The following DNAH11 variants were observed in gnomAD, a reference collection of about 807,000 sequenced individuals.
The protein encoded by DNAH11 is dynein axonemal heavy chain 11, also known as axonemal beta dynein heavy chain 11.
A neutral mutation model predicts 526.0 loss-of-function variants in DNAH11; 442 were observed. The ratio of observed to expected loss-of-function variants is 0.84; its 90% CI spans 0.78 to 0.91. The LOEUF is 0.91. Ranked by LOEUF, DNAH11 falls within the 40% of genes least tolerant of loss-of-function variation. The pLI is 0.00. For synonymous variants in DNAH11, 2,461 were observed against 1,935.9 expected (o/e 1.27, Z -7.12); for missense variants, 6,989 against 5,448.7 (o/e 1.28, Z -8.90).
intron 30 of DNAH11, among the ~76,000 whole-genome samples, chr7:21,673,680 T>C (rs1425852929): frequency 6.6e-6 from 1 of 152,116 alleles, no homozygotes; most frequent in East Asian, 1.9e-4. Flanking sequence ...CCCAACTCCC[T>C]CATTACTCAA....
chr7:21,852,639 G>C lies in DNAH11; in HGVS notation c.11061+8G>C. 6.4e-7 allele frequency: 1 copy of C among 1,570,050 alleles called. No homozygotes were observed. The highest frequency in any genetic ancestry group is 8.6e-7 in the Non-Finnish European group (1 of 1,161,434). On this transcript the variant is annotated splice_region_variant and intron_variant, in intron 67 of 81. Coordinates refer to ENST00000409508, the MANE Select transcript of DNAH11 (RefSeq NM_001277115.2). ...GCAGAGATAGAGCACAAGGTAGGAAGGGCAGAGGGTGCCTGGCAGATTCTA... is the reference window on the plus strand; with the variant it reads ...GCAGAGATAGAGCACAAGGTAGGAACGGCAGAGGGTGCCTGGCAGATTCTA...
chr7:21,848,708 TC>T (rs1325617057), intron 66 of DNAH11, among the ~76,000 whole-genome samples: 6 of 152,068 alleles, frequency 3.9e-5, no homozygotes, highest in Non-Finnish European at 5.9e-5. Flanking sequence ...ATTTTTCTTT[TC>T]CTTCTCTTCT....
intron 28 of DNAH11, among the ~76,000 whole-genome samples, chr7:21,652,768 A>T (rs1781836773): frequency 6.6e-6 from 1 of 152,210 alleles, no homozygotes; most frequent in Admixed American, 6.5e-5. Context: ...AACCTACTCA[A>T]AATACATGGT....
At chr7:21,757,940 A>G (rs182818827) in intron 54 of DNAH11, among the ~76,000 whole-genome samples, 127 of 152,318 alleles carry the variant, frequency 8.3e-4, no homozygotes, top group Admixed American at 1.6e-3. Context: ...TCCTTGCAAG[A>G]TTGTAAAGTC....
intron 2 of DNAH11, among the ~76,000 whole-genome samples, chr7:21,551,715 T>C (rs956975587): frequency 6.6e-6 from 1 of 152,204 alleles, no homozygotes; most frequent in Non-Finnish European, 1.5e-5. Context: ...CCTTATCCCA[T>C]CATGTAGTGG....
intron 15 of DNAH11, 127 bp downstream of exon 15, chr7:21,600,246 G>A (rs1785024910): frequency 2.4e-6 from 2 of 817,082 alleles, no homozygotes; most frequent in African/African-American, 1.7e-5. Flanking sequence ...GATTGCTTGG[G>A]CCCAAGAGTT....
intron 51 of DNAH11, among the ~76,000 whole-genome samples, chr7:21,746,552 A>G (rs977881616): frequency 6.6e-6 from 1 of 152,140 alleles, no homozygotes; most frequent in African/African-American, 2.4e-5. Context: ...GCAGTGGGCT[A>G]GGATTATGCC....
At chr7:21,837,083 C>T (rs577335297) in intron 65 of DNAH11, among the ~76,000 whole-genome samples, 1 of 151,880 alleles carries the variant, frequency 6.6e-6, no homozygotes, top group Non-Finnish European at 1.5e-5. Flanking sequence ...ATCAAAAAGA[C>T]AAAAAATAAC....
At position 21,738,700 on chromosome 7, in the gene DNAH11, G is replaced by C. The variant is rs1327282449; in HGVS notation, c.7646-1G>C. 1 of 1,563,768 alleles carries C rather than the reference G, an allele frequency of 6.4e-7. No individual in the cohort carries two copies. The highest frequency in any genetic ancestry group is 8.7e-7 in the Non-Finnish European group (1 of 1,155,434). On this transcript the variant is annotated splice_acceptor_variant, in intron 46 of 81. Coordinates refer to ENST00000409508, the MANE Select transcript of DNAH11 (RefSeq NM_001277115.2). LOFTEE classifies it high-confidence loss of function. The stretch of plus-strand genomic sequence containing the variant: ...TGGACAGAAATATATGTTTATTTCA[G>C]AAATTCTTGAGAAACCCCTAGAGAA...
intron 28 of DNAH11, among the ~76,000 whole-genome samples, chr7:21,645,864 A>G (rs1204605307): frequency 6.6e-6 from 1 of 152,188 alleles, no homozygotes; most frequent in Non-Finnish European, 1.5e-5. Flanking sequence ...GTGAGGAAGG[A>G]TATCTTCATA....
In DNAH11 at chr7:21,655,956, A is replaced by C. The variant is rs1328910762; in HGVS notation, c.5069A>C (p.Gln1690Pro). 3 of 1,607,216 alleles carry C rather than the reference A, an allele frequency of 1.9e-6. No homozygotes were observed. The highest frequency in any genetic ancestry group is 2.6e-6 in the Non-Finnish European group (3 of 1,176,190). The part of the protein sequence containing the change: ...YSKEKEYVPF[Q>P]AECECVGHVE... ...AAAGAAAAGGAGTATGTCCCATTCC[A>C]AGCCGAGTGTGAATGTGTGGGCCAT... is the stretch of plus-strand genomic sequence containing the variant. Residue 1690 changes from glutamine (Q) to proline (P), a missense_variant, in exon 29 of 82, where the codon CAA becomes CCA. Physicochemically the swap from Gln to Pro is moderately conservative, Grantham distance 76. Transcript: ENST00000409508.
At chr7:21,559,546 A>C in intron 3 of DNAH11, 57 bp from the exon 4 acceptor site, 1 of 1,353,926 alleles carries the variant, frequency 7.4e-7, no homozygotes, top group Non-Finnish European at 1.0e-6. Flanking sequence ...ATTAAAGTCT[A>C]TGTCTTTGGA....
chr7:21,631,299 A>C (rs542494918), intron 25 of DNAH11, among the ~76,000 whole-genome samples: 1 of 152,244 alleles, frequency 6.6e-6, no homozygotes, highest in Admixed American at 6.5e-5. Flanking sequence ...AGACAGCCAA[A>C]CCATATCATT....
intron 75 of DNAH11, among the ~76,000 whole-genome samples, chr7:21,881,239 C>T (rs1000721047): frequency 6.6e-6 from 1 of 152,178 alleles, no homozygotes; most frequent in African/African-American, 2.4e-5. Context: ...TAATTACATA[C>T]AGCAATTCTG....
intron 39 of DNAH11, among the ~76,000 whole-genome samples, chr7:21,705,957 G>A (rs1305749070): frequency 2.0e-5 from 3 of 152,132 alleles, no homozygotes; most frequent in African/African-American, 4.8e-5. Context: ...ATTGGCTCTA[G>A]CCACATTTAT....
At chr7:21,801,494 G>T (rs1352843695) in intron 62 of DNAH11, among the ~76,000 whole-genome samples, 1 of 152,158 alleles carries the variant, frequency 6.6e-6, no homozygotes, top group African/African-American at 2.4e-5. Flanking sequence ...CCATCAGTCT[G>T]ATCTCCAACG....
At chr7:21,544,727 A>G (rs1782742184) in intron 1 of DNAH11, among the ~76,000 whole-genome samples, 1 of 150,246 alleles carries the variant, frequency 6.7e-6, no homozygotes, top group African/African-American at 2.4e-5. Context: ...TAGTTATAAG[A>G]TTTTTTTTTT....
intron 64 of DNAH11, among the ~76,000 whole-genome samples, chr7:21,817,172 A>T (rs1789831535): frequency 6.6e-6 from 1 of 152,158 alleles, no homozygotes; most frequent in South Asian, 2.1e-4. Context: ...GTCAAGATTT[A>T]CATGTCACTT....
At chr7:21,870,364 GA>G (rs1434163706) in intron 73 of DNAH11, among the ~76,000 whole-genome samples, 1 of 152,162 alleles carries the variant, frequency 6.6e-6, no homozygotes, top group Non-Finnish European at 1.5e-5. Flanking sequence ...ATGATTGCAG[GA>G]ATGTAACCTT....
Sources: gnomAD v4.1 joint callset for allele counts (sites outside exome capture counted in the v4.1 genomes callset) on GRCh38, gnomAD v4.1.1 for gene constraint, MANE v1.5 for transcripts, NCBI Gene and HGNC (gene_info 2026-07-23, HGNC 2026-07-21) for gene names.